Variants in USP12 observed in about 807,000 individuals in gnomAD.
USP12 encodes the protein ubiquitin carboxyl-terminal hydrolase 12.
Under a neutral mutation model 45.5 loss-of-function variants are expected in USP12, and 19 were observed. The observed-to-expected ratio is 0.42, with a 90% CI of 0.29 to 0.61. The LOEUF (loss-of-function observed/expected upper bound fraction) is 0.61. Ranked by LOEUF, USP12 falls within the 20% of genes least tolerant of loss-of-function variation. The pLI is 0.22. For synonymous variants in USP12, 149 were observed against 148.8 expected (o/e 1.00, Z -0.01); for missense variants, 242 against 447.7 (o/e 0.54, Z 4.15).
chr13:27,107,693 G>A (rs566379340), intron 2 of USP12, among the ~76,000 whole-genome samples: 28 of 152,180 alleles, frequency 1.8e-4, no homozygotes, highest in Non-Finnish European at 3.4e-4. Flanking sequence ...ACACCTTGAA[G>A]ATATGGCTGA....
chr13:27,164,625 T>C (rs1439849603), intron 1 of USP12, among the ~76,000 whole-genome samples: 1 of 152,210 alleles, frequency 6.6e-6, no homozygotes, highest in African/African-American at 2.4e-5. Context: ...ACTGCCACTC[T>C]AACCTCCTAA....
At position 27,103,607 on chromosome 13, in the gene USP12, A is replaced by AAAAAAAAAAAT. The variant is rs372985958; in HGVS notation, c.343+2123_343+2124insATTTTTTTTTT. The stretch of plus-strand genomic sequence containing the variant: ...GTAACTATTGAACTATCAAAAAAAA[A>AAAAAAAAAAAT]AATAATAATAATAATAATAATAAGG... On this transcript the variant is annotated intron_variant, in intron 3 of 8. Transcript: ENST00000282344. Among the ~76,000 whole-genome samples the AAAAAAAAAAAT allele has an allele frequency of 4.5e-3, 579 of 128,412 alleles. 3 individuals are homozygous for AAAAAAAAAAAT. Among genetic ancestry groups the AAAAAAAAAAAT allele is most frequent in the African/African-American group, 0.016 (537 of 33,982 alleles). The allele number at this position is 128,412 out of a possible 152,430, so 84.2% of individuals were successfully genotyped here.
chr13:27,105,958 A>G lies in USP12; in HGVS notation c.130-14T>C. ...GGTATTCCCAAACTGCAACAGAAAA[A>G]AAAAAGTTTTGTTAAATTTAGGGCA... On this transcript the variant is annotated splice_polypyrimidine_tract_variant and intron_variant, in intron 2 of 8. Transcript: ENST00000282344. 6.3e-7 allele frequency: 1 copy of G among 1,592,166 alleles called. No individual in the cohort carries two copies. Among genetic ancestry groups the G allele is most frequent in the Non-Finnish European group, 8.5e-7 (1 of 1,172,552 alleles).
At chr13:27,077,241 T>G (rs1044276242) in intron 6 of USP12, 2 of 151,954 alleles carry the variant, frequency 1.3e-5, no homozygotes, top group African/African-American at 4.9e-5. Flanking sequence ...TAAACCCACA[T>G]AGAGTTACTG....
In USP12 at chr13:27,163,701, G is replaced by A. The variant is rs544551764; in HGVS notation, c.48+7891C>T. Among the ~76,000 whole-genome samples, 11 of 149,368 alleles carry A rather than the reference G, an allele frequency of 7.4e-5. 1 individual carries two copies. Among genetic ancestry groups the A allele is most frequent in the African/African-American group, 2.7e-4 (11 of 40,850 alleles). On this transcript the variant is annotated intron_variant, in intron 1 of 8. Coordinates refer to ENST00000282344, the MANE Select transcript of USP12 (RefSeq NM_182488.4). ...CTCACACCTGTCATCCCAGCACCTT[G>A]GGAGGCCAAGGCAGGAGGATGGTTT...
chr13:27,153,076 A>G (rs1877655748), intron 1 of USP12, among the ~76,000 whole-genome samples: 1 of 152,228 alleles, frequency 6.6e-6, no homozygotes, highest in African/African-American at 2.4e-5. Flanking sequence ...TCACACCTGT[A>G]ATCCCAGTAC....
intron 2 of USP12, among the ~76,000 whole-genome samples, chr13:27,111,029 G>GACT (rs1373812290): frequency 6.6e-6 from 1 of 152,166 alleles, no homozygotes; most frequent in African/African-American, 2.4e-5. Flanking sequence ...CTATTTTGTA[G>GACT]ACTACTGGAA....
intron 1 of USP12, among the ~76,000 whole-genome samples, chr13:27,167,743 A>G (rs995707907): frequency 6.6e-6 from 1 of 152,074 alleles, no homozygotes; most frequent in Admixed American, 6.5e-5. Flanking sequence ...AAGGAAAAAG[A>G]AATTTCATTA....
intron 6 of USP12, among the ~76,000 whole-genome samples, chr13:27,087,577 A>C (rs1199917415): frequency 6.6e-6 from 1 of 152,232 alleles, no homozygotes; most frequent in Non-Finnish European, 1.5e-5. Context: ...TCTGCTCACT[A>C]AGCGGGCTCA....
chr13:27,112,029 A>C (rs1875471721), intron 2 of USP12, among the ~76,000 whole-genome samples: 2 of 152,186 alleles, frequency 1.3e-5, no homozygotes, highest in South Asian at 4.1e-4. Context: ...AATTAGTTTG[A>C]ATACATTTAG....
At chr13:27,142,498 T>G (rs1481287254) in intron 1 of USP12, among the ~76,000 whole-genome samples, 1 of 152,218 alleles carries the variant, frequency 6.6e-6, no homozygotes, top group Non-Finnish European at 1.5e-5. Flanking sequence ...AGAATGTCCC[T>G]GTTACTGGGA....
Position 27,070,614 on chromosome 13 carries a change from C to A in USP12, c.1011+457G>T, listed in dbSNP as rs1446483802. ...TATTGCCCAGGCTGGAGTGCAATGG[C>A]ACGATCTCGGCTCACCACAACCTCC... On this transcript the variant is annotated intron_variant, in intron 8 of 8. Transcript: ENST00000282344. Among the ~76,000 whole-genome samples, 4 of 150,340 alleles carry A rather than the reference C, an allele frequency of 2.7e-5. No homozygotes were observed. In the East Asian group the frequency reaches 7.8e-4, roughly 29 times the overall value.
intron 6 of USP12, among the ~76,000 whole-genome samples, chr13:27,084,275 A>C (rs1010039263): frequency 6.6e-6 from 1 of 151,702 alleles, no homozygotes; most frequent in African/African-American, 2.4e-5. Context: ...TGGGAGGCCA[A>C]GGCAGGCAGA....
At chr13:27,085,629 T>A (rs1056103014) in intron 6 of USP12, among the ~76,000 whole-genome samples, 1 of 151,988 alleles carries the variant, frequency 6.6e-6, no homozygotes, top group African/African-American at 2.4e-5. Flanking sequence ...TTGCTCAATA[T>A]CACACCATAA....
intron 3 of USP12, among the ~76,000 whole-genome samples, chr13:27,100,382 A>G (rs73497373): frequency 0.016 from 2,471 of 152,218 alleles, 28 homozygotes; most frequent in Middle Eastern, 0.034. Flanking sequence ...TGTTCTAAAC[A>G]AACTCCCTCG....
At chr13:27,086,525 T>C (rs1170765105) in intron 6 of USP12, among the ~76,000 whole-genome samples, 2 of 152,102 alleles carry the variant, frequency 1.3e-5, no homozygotes, top group Non-Finnish European at 2.9e-5. Context: ...TATCCGTATT[T>C]TCTAATTTAA....
At chr13:27,147,018 TG>T (rs1877337535) in intron 1 of USP12, among the ~76,000 whole-genome samples, 1 of 152,152 alleles carries the variant, frequency 6.6e-6, no homozygotes, top group African/African-American at 2.4e-5. Context: ...TAGAGAAGCC[TG>T]GGGCAGATCC....
intron 1 of USP12, among the ~76,000 whole-genome samples, chr13:27,122,641 G>A (rs1185154056): frequency 6.6e-6 from 1 of 151,676 alleles, no homozygotes; most frequent in Non-Finnish European, 1.5e-5. Context: ...GACAGAGTGA[G>A]ACCCCATCTC....
At chr13:27,136,318 C>A (rs1028474467) in intron 1 of USP12, among the ~76,000 whole-genome samples, 1 of 151,976 alleles carries the variant, frequency 6.6e-6, no homozygotes, top group Admixed American at 6.5e-5. Context: ...GCCAACATGG[C>A]GAAACCCCAT....
Sources: gnomAD v4.1 joint callset for allele counts (sites outside exome capture counted in the v4.1 genomes callset) on GRCh38, gnomAD v4.1.1 for gene constraint, MANE v1.5 for transcripts, NCBI Gene and HGNC (gene_info 2026-07-23, HGNC 2026-07-21) for gene names.